CARD8: variants seen among roughly 807,000 people sequenced by gnomAD.
CARD8 encodes caspase recruitment domain family member 8, also known as caspase recruitment domain-containing protein 8.
A neutral mutation model predicts 53.2 loss-of-function variants in CARD8; 38 were observed. The ratio of observed to expected loss-of-function variants is 0.71; its 90% CI spans 0.55 to 0.94. CARD8 has a LOEUF of 0.94. Among genes scored for constraint, CARD8 ranks in the 40% least tolerant of loss-of-function variants. CARD8 has a pLI of 0.00. For missense variants in CARD8, 561 were observed against 655.5 expected, an observed-to-expected ratio of 0.86 and a Z score of 1.57; for synonymous variants, 245 against 244.9, an observed-to-expected ratio of 1.00 and a Z score of 0.00.
chr19:48,246,190 A>G (rs984408666), intron 3 of CARD8, among the ~76,000 whole-genome samples: 1 of 152,124 alleles, frequency 6.6e-6, no homozygotes, highest in Admixed American at 6.6e-5. Context: ...ATGTTTATCA[A>G]TTTGGATTTC....
chr19:48,204,128 G>C, downstream of CARD8: 2 of 454,272 alleles, frequency 4.4e-6, no homozygotes, highest in Non-Finnish European at 8.8e-6. Context: ...TCTGGGCGCC[G>C]GGGCTGCAGT....
chr19:48,212,409 A>G (rs1212486970), intron 13 of CARD8, among the ~76,000 whole-genome samples: 1 of 152,248 alleles, frequency 6.6e-6, no homozygotes, highest in African/African-American at 2.4e-5. Flanking sequence ...TAGCTGGCAG[A>G]GCTATGAAAG....
chr19:48,239,745 G>A (rs1336567422), intron 4 of CARD8, among the ~76,000 whole-genome samples: 1 of 152,076 alleles, frequency 6.6e-6, no homozygotes, highest in Non-Finnish European at 1.5e-5. Context: ...CAAAGTGCTC[G>A]GATTACAGGC....
intron 10 of CARD8, among the ~76,000 whole-genome samples, chr19:48,227,545 T>C (rs2042024695): frequency 6.6e-6 from 1 of 151,974 alleles, no homozygotes; most frequent in African/African-American, 2.4e-5. Context: ...TGGTCCATGC[T>C]TGTAATCCCA....
rs753829233 is a variant in CARD8 at position 48,215,395 on chromosome 19, G to A, written c.1304-11C>T. 6 of 1,598,502 alleles carry A rather than the reference G, an allele frequency of 3.8e-6. No homozygotes were observed. The highest frequency in any genetic ancestry group is 5.1e-6 in the Non-Finnish European group (6 of 1,166,314). Reference sequence around the variant, plus strand: ...CAAGCTGGAGATCCACTACAAAAGAGGGAAAAATTATATGATGAGATGAGA... The same window carrying A: ...CAAGCTGGAGATCCACTACAAAAGAAGGAAAAATTATATGATGAGATGAGA... On this transcript the variant is annotated splice_polypyrimidine_tract_variant and intron_variant, in intron 12 of 13. Transcript: ENST00000651546.
At chr19:48,244,746 C>A (rs10500300) in intron 3 of CARD8, among the ~76,000 whole-genome samples, 10,897 of 152,062 alleles carry the variant, frequency 0.072, 454 homozygotes, top group Non-Finnish European at 0.092. Flanking sequence ...AAAGATATTA[C>A]CAGAGCATTG....
At chr19:48,207,232 C>G (rs952496340), downstream of CARD8, among the ~76,000 whole-genome samples, 2 of 148,748 alleles carry the variant, frequency 1.3e-5, no homozygotes, top group African/African-American at 4.9e-5. Context: ...TTATCTAGGA[C>G]TTCCCAGCCT....
Position 48,232,474 on chromosome 19 carries a change from A to T in CARD8, c.370T>A (p.Ser124Thr), listed in dbSNP as rs1400951219. The T allele has an allele frequency of 6.5e-7, 1 of 1,535,970 alleles. No homozygotes were observed. The highest frequency in any genetic ancestry group is 2.0e-5 in the Admixed American group (1 of 50,996). Reference protein sequence around the residue: ...DIPSVSEEQESSEGQDSGDIC... With the variant: ...DIPSVSEEQETSEGQDSGDIC... ...TTACCTGAATCTTGTCCCTCTGAAGATTCCTGCTCTTCTGATACACTGGAG... is the reference window on the plus strand; with the variant it reads ...TTACCTGAATCTTGTCCCTCTGAAGTTTCCTGCTCTTCTGATACACTGGAG... Residue 124 changes from serine to threonine, a missense_variant, in exon 7 of 14, where the codon TCT becomes ACT. By Grantham distance (58) the Ser-to-Thr change is moderately conservative. Transcript: ENST00000651546.
Position 48,219,064 on chromosome 19 carries a change from G to C in CARD8, c.1162-52C>G, listed in dbSNP as rs915379093. 3 of 1,573,478 alleles carry C rather than the reference G, an allele frequency of 1.9e-6. No individual in the cohort carries two copies. In the Admixed American group the frequency reaches 5.0e-5, roughly 26 times the overall value. On this transcript the variant is annotated intron_variant, in intron 11 of 13. Coordinates refer to ENST00000651546, the MANE Select transcript of CARD8 (RefSeq NM_001184900.3). Reference sequence around the variant, plus strand: ...AAGCAGTGGAGGGTGGAAAGGCCCGGCTCCCTACAGTGAACTGGCCAATGG... The same window carrying C: ...AAGCAGTGGAGGGTGGAAAGGCCCGCCTCCCTACAGTGAACTGGCCAATGG...
chr19:48,232,979 C>T (rs991707532), intron 6 of CARD8: 6 of 358,076 alleles, frequency 1.7e-5, no homozygotes, highest in East Asian at 1.5e-4. Context: ...TGGTATCATA[C>T]GATGTCGGAA....
In CARD8 at chr19:48,210,444, T is replaced by A. The variant is rs2037791060; in HGVS notation, c.*1266A>T. 1 of 152,182 alleles carries A rather than the reference T, an allele frequency of 6.6e-6. No homozygotes were observed. Among genetic ancestry groups the A allele is most frequent in the South Asian group, 2.1e-4 (1 of 4,830 alleles). The allele number at this position is 152,182 out of a possible 1,614,324, so 9.4% of individuals were successfully genotyped here. On this transcript the variant is annotated 3_prime_UTR_variant, in exon 14 of 14. Coordinates refer to ENST00000651546, the MANE Select transcript of CARD8 (RefSeq NM_001184900.3). ...AAATATCTGGAAAAACATAACAGAT[T>A]ACTCTTCTCATGAGTTTTTTAAATC...
intron 4 of CARD8, 73 bp from the exon 5 acceptor site, chr19:48,238,605 T>C: frequency 7.0e-7 from 1 of 1,421,722 alleles, no homozygotes; most frequent in East Asian, 2.5e-5. Context: ...CTCCTCACTG[T>C]GATGTAGCGA....
At chr19:48,213,889 C>T (rs141432622) in intron 13 of CARD8, among the ~76,000 whole-genome samples, 307 of 152,250 alleles carry the variant, frequency 2.0e-3, no homozygotes, top group African/African-American at 6.8e-3. Context: ...CTTGCCTTTC[C>T]GTCTAAAGTC....
At chr19:48,218,203 TA>T in intron 12 of CARD8, among the ~76,000 whole-genome samples, 1 of 151,932 alleles carries the variant, frequency 6.6e-6, no homozygotes, top group Non-Finnish European at 1.5e-5. Context: ...TTATTCAAAC[TA>T]TTTTTTTTAA....
chr19:48,225,468 G>A (rs116524901), intron 10 of CARD8, among the ~76,000 whole-genome samples: 6,168 of 152,152 alleles, frequency 0.041, 396 homozygotes, highest in African/African-American at 0.13. Context: ...TCCAGCCTGG[G>A]CGACAGGGCA....
At position 48,230,596 on chromosome 19, in the gene CARD8, T is replaced by TG. The variant is rs1345319154; in HGVS notation, c.876_877insC (p.Ser293GlnfsTer39). On this transcript the variant is annotated frameshift_variant, in exon 10 of 14. Coordinates refer to ENST00000651546, the MANE Select transcript of CARD8 (RefSeq NM_001184900.3). LOFTEE classifies it high-confidence loss of function. The stretch of plus-strand genomic sequence containing the variant: ...ATGCCCATCAGAGAGAAGCTGGGGC[T>TG]TTCCAGGACAGCATAGAAAGGCTCC... The TG allele has an allele frequency of 6.2e-7, 1 of 1,613,926 alleles. No individual in the cohort carries two copies. Among genetic ancestry groups the TG allele is most frequent in the Non-Finnish European group, 8.5e-7 (1 of 1,180,012 alleles).
rs779969562 is a variant in CARD8, at chr19:48,209,634, C to G, written c.*2076G>C. ...GAGTCTCAGAAGAGGAGGAAAAAAA[C>G]AAAATATAATATTGATTGATTCAAC... On this transcript the variant is annotated 3_prime_UTR_variant, in exon 14 of 14. Transcript: ENST00000651546. The G allele has an allele frequency of 2.0e-5, 3 of 152,006 alleles. No individual in the cohort carries two copies. Among genetic ancestry groups the G allele is most frequent in the Non-Finnish European group, 4.4e-5 (3 of 67,972 alleles). The allele number at this position is 152,006 out of a possible 1,614,324, so 9.4% of individuals were successfully genotyped here. A position where few individuals can be genotyped will look rare whatever the true frequency, so the allele number is the denominator to read the frequency against.
At chr19:48,234,292 CAT>C in intron 6 of CARD8, 109 bp downstream of exon 6, 2 of 1,101,034 alleles carry the variant, frequency 1.8e-6, no homozygotes, top group Middle Eastern at 4.2e-4. Context: ...TAAGCTCATT[CAT>C]TCTCCCCTGA....
Position 48,230,790 on chromosome 19 carries a change from G to A in CARD8, c.759C>T (p.Phe253=), listed in dbSNP as rs1464248657. 6.2e-7 allele frequency: 1 copy of A among 1,614,050 alleles called. No homozygotes were observed. Among genetic ancestry groups the A allele is most frequent in the South Asian group, 1.1e-5 (1 of 91,072 alleles). The stretch of plus-strand genomic sequence containing the variant: ...ACCCCACATTACCTTGGAGGGAGAT[G>A]AAGTGGGGGAGGTGGATTTCGGCGA... ...EAVAEIHLPH[F]ISLQAGEVDV... is the part of the protein sequence containing the mutation. Residue 253 remains phenylalanine, a synonymous_variant, in exon 9 of 14, where the codon TTC becomes TTT. Transcript: ENST00000651546.
Sources: allele counts gnomAD v4.1 joint callset (sites outside exome capture counted in the v4.1 genomes callset), GRCh38; gene constraint gnomAD v4.1.1; transcripts MANE v1.5; gene names NCBI Gene and HGNC (gene_info 2026-07-23, HGNC 2026-07-21).